The following FLNB variants were observed in gnomAD, a reference collection of about 807,000 sequenced individuals.
The protein encoded by FLNB is filamin B.
Under a neutral mutation model 250.6 loss-of-function variants are expected in FLNB, and 111 were observed. That is an observed-to-expected ratio of 0.44 (90% CI 0.38 to 0.52). The LOEUF (loss-of-function observed/expected upper bound fraction) is 0.52, where lower values mean the gene tolerates loss of function less well. Ranked by LOEUF, FLNB falls within the 20% of genes least tolerant of loss-of-function variation. The probability of loss-of-function intolerance (pLI) is 0.00; values close to 1 mark genes in which losing one functional copy is unlikely to be tolerated. For missense variants in FLNB, 2,869 were observed against 3,447.8 expected (o/e 0.83, Z 4.20); for synonymous variants, 1,302 against 1,372.1 (o/e 0.95, Z 1.13).
At chr3:58,076,165 G>T (rs13099206) in intron 1 of FLNB, among the ~76,000 whole-genome samples, 38,551 of 152,166 alleles carry the variant, frequency 0.25, 5,919 homozygotes, top group Middle Eastern at 0.4. Context: ...CCTAGCATTG[G>T]TGAGATTTGC....
At position 58,098,713 on chromosome 3, in the gene FLNB, G is replaced by T; in HGVS notation, c.1150G>T (p.Ala384Ser). 1 of 1,614,150 alleles carries T rather than the reference G, an allele frequency of 6.2e-7. No individual in the cohort carries two copies. Among genetic ancestry groups the T allele is most frequent in the Non-Finnish European group, 8.5e-7 (1 of 1,180,014 alleles). The change falls in exon 8 of 46, where the codon GCT becomes TCT. Residue 384 changes from alanine (A) to serine (S), a missense_variant and splice_region_variant. By Grantham distance (99) the Ala-to-Ser change is moderately conservative (BLOSUM62 1). Transcript: ENST00000295956. Reference protein sequence around the residue: ...PTYFDIYTAGAGVGDIGVEVE... With the variant: ...PTYFDIYTAGSGVGDIGVEVE... ...ATGGAATGCTTGCTTTCTTGTAGGA[G>T]CTGGTGTGGGTGACATTGGTGTGGA...
At chr3:58,034,996 T>A (rs1479781960) in intron 1 of FLNB, among the ~76,000 whole-genome samples, 1 of 152,208 alleles carries the variant, frequency 6.6e-6, no homozygotes, top group Non-Finnish European at 1.5e-5. Context: ...GAATGACTCT[T>A]GGGACTGGCT....
chr3:58,152,972 G>T, intron 38 of FLNB: 1 of 323,162 alleles, frequency 3.1e-6, no homozygotes, highest in Admixed American at 4.1e-5. Flanking sequence ...GCTCACGCAT[G>T]GTTTCCCCTC....
At chr3:58,149,629 G>C (rs1048775727) in intron 36 of FLNB, 1 of 603,076 alleles carries the variant, frequency 1.7e-6, no homozygotes, top group Non-Finnish European at 2.9e-6. Flanking sequence ...AAAGGCTTCT[G>C]TGGTCAAAAC....
intron 27 of FLNB, 116 bp downstream of exon 27, chr3:58,134,888 G>GAA: frequency 1.0e-6 from 1 of 981,892 alleles, no homozygotes; most frequent in Non-Finnish European, 1.6e-6. Context: ...TTGTTTGTTA[G>GAA]ATTTTCCCAC....
intron 1 of FLNB, among the ~76,000 whole-genome samples, chr3:58,053,608 C>T (rs1305836454): frequency 6.6e-6 from 1 of 152,068 alleles, no homozygotes; most frequent in African/African-American, 2.4e-5. Flanking sequence ...CTACAGACAC[C>T]CACTACCATG....
intron 4 of FLNB, 65 bp from the exon 5 acceptor site, chr3:58,094,771 A>C: frequency 7.7e-7 from 1 of 1,305,866 alleles, no homozygotes; most frequent in Non-Finnish European, 1.1e-6. Flanking sequence ...AAAGAGATGC[A>C]GTGGGCGATG....
Position 58,098,773 on chromosome 3 carries a change from T to C in FLNB, c.1210T>C (p.Leu404=). The C allele has an allele frequency of 6.2e-7, 1 of 1,613,888 alleles. No individual in the cohort carries two copies. Among genetic ancestry groups the C allele is most frequent in the Non-Finnish European group, 8.5e-7 (1 of 1,179,966 alleles). ...TCCCCAGGGGAAGAACACCGTGGAG[T>C]TGCTCGTGGAAGACAAAGGAAACCA... is the stretch of plus-strand genomic sequence containing the variant. ...EDPQGKNTVE[L]LVEDKGNQVY... Residue 404 remains leucine, a synonymous_variant, in exon 8 of 46, where the codon TTG becomes CTG. Transcript: ENST00000295956.
Position 58,150,171 on chromosome 3 carries a change from G to A in FLNB, c.6311G>A (p.Arg2104Gln), listed in dbSNP as rs757456736. ...RVKESITRTS[R>Q]APSVATVGSI... Reference sequence around the variant, plus strand: ...AAAGAGAGCATCACCCGCACCAGTCGGGCCCCGTCCGTGGCCACTGTCGGG... The same window carrying A: ...AAAGAGAGCATCACCCGCACCAGTCAGGCCCCGTCCGTGGCCACTGTCGGG... The change falls in exon 38 of 46, where the codon CGG (arginine) becomes CAG (glutamine). Residue 2104 changes from arginine to glutamine, a missense_variant. Physicochemically the swap from Arg to Gln is conservative, Grantham distance 43 (BLOSUM62 1). Coordinates refer to ENST00000295956, the MANE Select transcript of FLNB (RefSeq NM_001457.4). 1.4e-5 allele frequency: 22 copies of A among 1,614,102 alleles called. No individual in the cohort carries two copies. The highest frequency in any genetic ancestry group is 2.7e-5 in the African/African-American group (2 of 74,922).
rs922419244 is a variant in FLNB at position 58,164,944 on chromosome 3, T to C, written c.7198+1614T>C. 3.3e-5 allele frequency: 5 copies of C among 152,408 alleles called. No individual in the cohort carries two copies. Among genetic ancestry groups the C allele is most frequent in the Non-Finnish European group, 7.3e-5 (5 of 68,234 alleles). The allele number at this position is 152,408 out of a possible 1,614,324, so 9.4% of individuals were successfully genotyped here. ...CCCCGAGCTTGGCCCCCTCTCTAAG[T>C]GGCTGGCTCACCCAGAGGCAGTGAC... is the stretch of plus-strand genomic sequence containing the variant. On this transcript the variant is annotated intron_variant, in intron 43 of 45. Transcript: ENST00000295956. The surrounding 1 kb of genome is among the most constrained non-coding windows in gnomAD (Gnocchi z 4.0).
chr3:58,147,068 C>T (rs2097336888), intron 34 of FLNB, 75 bp downstream of exon 34: 2 of 1,476,682 alleles, frequency 1.4e-6, no homozygotes. Flanking sequence ...CCTTATCAGA[C>T]CCCTGGCAGC....
chr3:58,154,020 G>A (rs2097349471), intron 39 of FLNB, among the ~76,000 whole-genome samples: 1 of 152,200 alleles, frequency 6.6e-6, no homozygotes, highest in Non-Finnish European at 1.5e-5. Flanking sequence ...CCGCTGGTGG[G>A]AAGATCTGTA....
chr3:58,057,271 T>G (rs960018944), intron 1 of FLNB, among the ~76,000 whole-genome samples: 9 of 152,246 alleles, frequency 5.9e-5, no homozygotes, highest in African/African-American at 2.2e-4. Flanking sequence ...TGAGCCACCA[T>G]GCCTGGCCTG....
At chr3:58,032,288 C>T (rs2097132148) in intron 1 of FLNB, among the ~76,000 whole-genome samples, 1 of 152,056 alleles carries the variant, frequency 6.6e-6, no homozygotes, top group South Asian at 2.1e-4. Context: ...AGAAAACAGA[C>T]CATCCTTAGG....
At chr3:58,132,154 T>C (rs960967992) in intron 25 of FLNB, 4 of 666,250 alleles carry the variant, frequency 6.0e-6, no homozygotes, top group East Asian at 2.7e-5. Context: ...TACCCTGGAG[T>C]TGACCCATCC....
At chr3:58,048,928 T>G (rs899164312) in intron 1 of FLNB, among the ~76,000 whole-genome samples, 1 of 152,266 alleles carries the variant, frequency 6.6e-6, no homozygotes, top group Non-Finnish European at 1.5e-5. Flanking sequence ...ACTCTGTGTA[T>G]GTTTTTGGTA....
intron 1 of FLNB, among the ~76,000 whole-genome samples, chr3:58,016,275 G>A (rs964401802): frequency 3.3e-5 from 5 of 151,764 alleles, no homozygotes; most frequent in South Asian, 2.1e-4. Flanking sequence ...GGCTGGCCTC[G>A]AACTCCTGAC....
intron 1 of FLNB, among the ~76,000 whole-genome samples, chr3:58,043,447 T>C (rs1460717409): frequency 6.6e-6 from 1 of 152,168 alleles, no homozygotes; most frequent in African/African-American, 2.4e-5. Flanking sequence ...AATTTCTGTT[T>C]AGTGGCAAGT....
chr3:58,043,805 T>G (rs1369849961), intron 1 of FLNB, among the ~76,000 whole-genome samples: 2 of 152,202 alleles, frequency 1.3e-5, no homozygotes, highest in Non-Finnish European at 2.9e-5. Context: ...CCAATGGCTG[T>G]GCTTAGGAGG....
Sources: allele counts gnomAD v4.1 joint callset (sites outside exome capture counted in the v4.1 genomes callset), GRCh38; gene constraint gnomAD v4.1.1; non-coding constraint Gnocchi (gnomAD v3.1); transcripts MANE v1.5; gene names NCBI Gene and HGNC (gene_info 2026-07-23, HGNC 2026-07-21).